DNAJA4: variants seen among roughly 807,000 people sequenced by gnomAD.
The protein encoded by DNAJA4 is dnaJ homolog subfamily A member 4.
DNAJA4 carries 32 observed loss-of-function variants against 39.7 expected under a neutral mutation model. The observed-to-expected ratio is 0.81, with a 90% CI of 0.61 to 1.08. The LOEUF (loss-of-function observed/expected upper bound fraction) is 1.08. Among genes scored for constraint, DNAJA4 ranks in the 50% least tolerant of loss-of-function variants. The pLI is 0.00. For synonymous variants in DNAJA4, 184 were observed against 182.4 expected, an observed-to-expected ratio of 1.01 and a Z score of -0.07; for missense variants, 439 against 505.1, an observed-to-expected ratio of 0.87 and a Z score of 1.25.
In DNAJA4 at chr15:78,264,784, C is replaced by T. The variant is rs1407921565; in HGVS notation, c.21C>T (p.Tyr7=). ...ACAAGATGGTGAAGGAGACCCAGTA[C>T]TATGACATCCTGGGCGTGAAGCCCA... MVKETQ[Y]YDILGVKPSA... is the part of the protein sequence containing the mutation. The change falls in exon 1 of 7, where the codon TAC becomes TAT. Residue 7 remains tyrosine (Y), a synonymous_variant. Coordinates refer to ENST00000394852, the MANE Select transcript of DNAJA4 (RefSeq NM_001130182.2). 6.2e-7 allele frequency: 1 copy of T among 1,607,210 alleles called. No homozygotes were observed. The highest frequency in any genetic ancestry group is 1.1e-5 in the South Asian group (1 of 90,476).
intron 2 of DNAJA4, among the ~76,000 whole-genome samples, chr15:78,271,393 A>G (rs74026019): frequency 0.19 from 29,250 of 151,484 alleles, 2,878 homozygotes; most frequent in East Asian, 0.22. Context: ...GTGGCCCTCC[A>G]TGTTCCCTGA....
At chr15:78,269,428 G>A (rs955176264) in intron 1 of DNAJA4, among the ~76,000 whole-genome samples, 2 of 152,204 alleles carry the variant, frequency 1.3e-5, no homozygotes, top group African/African-American at 4.8e-5. Flanking sequence ...GAAAACATGA[G>A]TGATACAATG....
At chr15:78,264,417 C>G, upstream of DNAJA4, 1 of 1,363,462 alleles carries the variant, frequency 7.3e-7, no homozygotes, top group South Asian at 1.7e-5. Flanking sequence ...CCGCGCCGGA[C>G]GGGCGTCGGG....
intron 5 of DNAJA4, among the ~76,000 whole-genome samples, 191 bp downstream of exon 5, chr15:78,275,919 A>C (rs2049444508): frequency 6.6e-6 from 1 of 152,138 alleles, no homozygotes; most frequent in African/African-American, 2.4e-5. Flanking sequence ...TTGAGTATTT[A>C]TTTCTTTGTG....
At position 78,270,678 on chromosome 15, in the gene DNAJA4, G is replaced by A; in HGVS notation, c.313+1G>A. 6.2e-7 allele frequency: 1 copy of A among 1,610,872 alleles called. No individual in the cohort carries two copies. The highest frequency in any genetic ancestry group is 8.5e-7 in the Non-Finnish European group (1 of 1,178,534). On this transcript the variant is annotated splice_donor_variant, in intron 2 of 6. Transcript: ENST00000394852. LOFTEE classifies it high-confidence loss of function. ...GGACGGATGGCTAGAGAGAGAAGAG[G>A]TAAATGCTTTTAAAGAAACATAAAT...
chr15:78,272,429 A>T (rs2049326985), intron 2 of DNAJA4, among the ~76,000 whole-genome samples: 1 of 152,210 alleles, frequency 6.6e-6, no homozygotes, highest in South Asian at 2.1e-4. Flanking sequence ...TAATTAAGTC[A>T]TCTCTCAAAG....
chr15:78,265,007 C>A, intron 1 of DNAJA4, 112 bp downstream of exon 1: 1 of 1,275,650 alleles, frequency 7.8e-7, no homozygotes, highest in Non-Finnish European at 1.0e-6. Context: ...GAGGCTGTCG[C>A]CAGGCGCCTC....
chr15:78,267,160 A>ATGTG (rs1172183770), intron 1 of DNAJA4, among the ~76,000 whole-genome samples: 1 of 131,162 alleles, frequency 7.6e-6, no homozygotes, highest in African/African-American at 3.3e-5. Flanking sequence ...GTGAGTGTGT[A>ATGTG]TGTGAGTGTG....
intron 1 of DNAJA4, among the ~76,000 whole-genome samples, chr15:78,267,906 G>T (rs1050659046): frequency 2.6e-5 from 4 of 152,076 alleles, no homozygotes; most frequent in African/African-American, 9.7e-5. Flanking sequence ...AGGTTCTGTG[G>T]CAAATGATCA....
At chr15:78,270,929 G>A (rs2049277133) in intron 2 of DNAJA4, among the ~76,000 whole-genome samples, 1 of 152,094 alleles carries the variant, frequency 6.6e-6, no homozygotes, top group African/African-American at 2.4e-5. Context: ...GCCAGGCATG[G>A]TGACTCATGC....
chr15:78,278,826 ATTTT>A (rs33990133), intron 5 of DNAJA4, among the ~76,000 whole-genome samples: 1 of 87,504 alleles, frequency 1.1e-5, no homozygotes, highest in Non-Finnish European at 2.1e-5. Flanking sequence ...TAGTTTTTCT[ATTTT>A]TTTTTTTTTT....
intron 4 of DNAJA4, 126 bp from the exon 5 acceptor site, chr15:78,275,372 C>A: frequency 1.3e-6 from 1 of 742,090 alleles, no homozygotes; most frequent in Non-Finnish European, 2.2e-6. Flanking sequence ...CTGCCTTGTG[C>A]CTGCATGAGG....
chr15:78,277,539 G>A (rs1014946233), intron 5 of DNAJA4, among the ~76,000 whole-genome samples: 1 of 152,180 alleles, frequency 6.6e-6, no homozygotes, highest in Non-Finnish European at 1.5e-5. Context: ...CAGTTTACAC[G>A]AAGCTCCAGA....
chr15:78,270,386 C>A, intron 1 of DNAJA4, 111 bp from the exon 2 acceptor site: 1 of 1,164,128 alleles, frequency 8.6e-7, no homozygotes, highest in Non-Finnish European at 1.2e-6. Flanking sequence ...CTGGCTAGTT[C>A]AAGGGTTTGG....
At chr15:78,265,534 G>A (rs191320654) in intron 1 of DNAJA4, 3 of 702,254 alleles carry the variant, frequency 4.3e-6, no homozygotes, top group Non-Finnish European at 7.8e-6. Flanking sequence ...CTGGGTTTTC[G>A]GTGACAAGTG....
upstream of DNAJA4, chr15:78,264,451 G>T (rs949055317): frequency 3.8e-6 from 5 of 1,326,204 alleles, no homozygotes; most frequent in African/African-American, 1.5e-5. Flanking sequence ...AACCCGCCGC[G>T]GGGCCGCCGG....
Position 78,281,966 on chromosome 15 carries a change from C to T in DNAJA4, c.*1506C>T, listed in dbSNP as rs1407291658. 4 of 152,340 alleles carry T rather than the reference C, an allele frequency of 2.6e-5. No individual in the cohort carries two copies. The South Asian group carries it at 6.2e-4, about 24-fold the overall frequency. 9.4% of individuals were successfully genotyped at this position (152,340 alleles called of 1,614,324 possible). ...ATAGATATAAAATCACTTCTTCCAA[C>T]GAAGCCTAGGTGAAAATCTATTTAT... On this transcript the variant is annotated 3_prime_UTR_variant, in exon 7 of 7. Coordinates refer to ENST00000394852, the MANE Select transcript of DNAJA4 (RefSeq NM_001130182.2).
Position 78,269,705 on chromosome 15 carries a change from A to AT in DNAJA4, c.133-781dup, listed in dbSNP as rs578136844. ...TGTTCCAATAATGTCCTTTGTAGCC[A>AT]TTTTTTTTTTTCTCCCCTGTGCAGG... On this transcript the variant is annotated intron_variant, in intron 1 of 6. Transcript: ENST00000394852. Among the ~76,000 whole-genome samples, 1,311 of 146,968 alleles carry AT rather than the reference A, an allele frequency of 8.9e-3. 16 individuals are homozygous for AT. The highest frequency in any genetic ancestry group is 0.024 in the African/African-American group (963 of 40,238).
chr15:78,266,230 G>T (rs762981880), intron 1 of DNAJA4: 14 of 1,613,594 alleles, frequency 8.7e-6, no homozygotes, highest in Non-Finnish European at 1.2e-5. Flanking sequence ...ATTTCAGCAA[G>T]CTGGCTAAAG....
Sources: allele counts gnomAD v4.1 joint callset (sites outside exome capture counted in the v4.1 genomes callset), GRCh38; gene constraint gnomAD v4.1.1; transcripts MANE v1.5; gene names NCBI Gene and HGNC (gene_info 2026-07-23, HGNC 2026-07-21).